POU2AF3: variants seen among roughly 807,000 people sequenced by gnomAD.
The protein encoded by POU2AF3 is POU class 2 homeobox associating factor 3.
the POU2AF3 span, chr11:111,298,714 G>A: frequency 9.0e-7 from 1 of 1,108,186 alleles, no homozygotes. Context: ...AGTAAGGGCC[G>A]GGGATCCGGA....
chr11:111,306,884 T>C, the POU2AF3 span, among the ~76,000 whole-genome samples: 1 of 152,154 alleles, frequency 6.6e-6, no homozygotes, highest in African/African-American at 2.4e-5. Flanking sequence ...TGGGTAGCAA[T>C]AAAAAGAGGT....
the POU2AF3 span, among the ~76,000 whole-genome samples, chr11:111,301,622 G>A: frequency 1.3e-5 from 2 of 152,200 alleles, no homozygotes; most frequent in Admixed American, 6.5e-5. Context: ...CAGATGGACT[G>A]GGCTCAGATC....
At chr11:111,301,428 G>A in the POU2AF3 span, among the ~76,000 whole-genome samples, 1 of 152,170 alleles carries the variant, frequency 6.6e-6, no homozygotes, top group African/African-American at 2.4e-5. Context: ...GACAGCTGGG[G>A]CTCATATTGC....
At chr11:111,298,824 A>AGGGGGGGGGGG in the POU2AF3 span, 48 of 903,112 alleles carry the variant, frequency 5.3e-5, no homozygotes, top group Non-Finnish European at 6.6e-5. Context: ...CGCGTACCCC[A>AGGGGGGGGGGG]GGCCCCCGCC....
At chr11:111,300,287 G>A in the POU2AF3 span, 27 of 325,050 alleles carry the variant, frequency 8.3e-5, no homozygotes, top group African/African-American at 4.5e-4. Context: ...GCCAGGGGTG[G>A]ATGGCCCCAC....
the POU2AF3 span, chr11:111,300,417 C>T: frequency 7.5e-6 from 3 of 397,662 alleles, no homozygotes; most frequent in Non-Finnish European, 1.3e-5. Context: ...GTGTGTTCTC[C>T]GAACTTAGAA....
the POU2AF3 span, chr11:111,308,419 T>C: frequency 1.2e-5 from 19 of 1,550,170 alleles, no homozygotes; most frequent in African/African-American, 2.7e-5. Flanking sequence ...AAACAAACTG[T>C]GACATCTGCT....
chr11:111,303,170 G>C, the POU2AF3 span, among the ~76,000 whole-genome samples: 28 of 152,344 alleles, frequency 1.8e-4, no homozygotes, highest in African/African-American at 6.0e-4. Flanking sequence ...GGAAGAAACT[G>C]TGTGTATGCC....
chr11:111,308,401 T>C, the POU2AF3 span: 10 of 1,551,204 alleles, frequency 6.4e-6, no homozygotes, highest in Non-Finnish European at 4.4e-6. Flanking sequence ...GTGATTTCTA[T>C]AAGAGGGAAA....
At chr11:111,306,428 G>A in the POU2AF3 span, 23 of 1,472,466 alleles carry the variant, frequency 1.6e-5, no homozygotes, top group Middle Eastern at 1.8e-4. Flanking sequence ...TTTCTTCCAC[G>A]CCCAATTATT....
At chr11:111,303,133 G>T in the POU2AF3 span, among the ~76,000 whole-genome samples, 1 of 152,322 alleles carries the variant, frequency 6.6e-6, no homozygotes, top group South Asian at 2.1e-4. Context: ...ATTCAGTAAA[G>T]AATTCAAATA....
the POU2AF3 span, among the ~76,000 whole-genome samples, chr11:111,305,984 C>T: frequency 2.6e-5 from 4 of 152,290 alleles, no homozygotes; most frequent in Admixed American, 1.3e-4. Context: ...AATTATTTCC[C>T]GTAGCATCAG....
At chr11:111,300,984 C>A in the POU2AF3 span, among the ~76,000 whole-genome samples, 107,660 of 152,100 alleles carry the variant, frequency 0.71, 38,312 homozygotes, top group South Asian at 0.83. Context: ...TAGAAAATCT[C>A]TCCCAGAAAT....
At chr11:111,304,834 G>C in the POU2AF3 span, 1 of 674,314 alleles carries the variant, frequency 1.5e-6, no homozygotes, top group South Asian at 7.5e-5. Flanking sequence ...TTACCTTATA[G>C]CAGAAAGAAA....
At chr11:111,306,447 G>A in the POU2AF3 span, 1 of 1,494,278 alleles carries the variant, frequency 6.7e-7, no homozygotes, top group East Asian at 2.5e-5. Context: ...TTTGCAACGG[G>A]GAGAATTTTC....
the POU2AF3 span, among the ~76,000 whole-genome samples, chr11:111,302,761 A>C: frequency 6.6e-6 from 1 of 152,188 alleles, no homozygotes; most frequent in Non-Finnish European, 1.5e-5. Flanking sequence ...AAGCAGGTTT[A>C]ACACGCATAT....
At chr11:111,306,045 C>T in the POU2AF3 span, among the ~76,000 whole-genome samples, 1 of 152,182 alleles carries the variant, frequency 6.6e-6, no homozygotes, top group Non-Finnish European at 1.5e-5. Flanking sequence ...GAGAGGTTTA[C>T]GTGAACTGCC....
the POU2AF3 span, chr11:111,306,646 A>G: frequency 2.0e-6 from 3 of 1,510,232 alleles, no homozygotes; most frequent in Non-Finnish European, 2.7e-6. Context: ...AGTTCTTTAT[A>G]TACCTGATTG....
chr11:111,304,995 A>G, the POU2AF3 span: 28 of 1,229,304 alleles, frequency 2.3e-5, no homozygotes, highest in Non-Finnish European at 2.8e-5. Flanking sequence ...CAGTACAGCC[A>G]GCATTAACAG....
Sources: allele counts gnomAD v4.1 joint callset (sites outside exome capture counted in the v4.1 genomes callset), GRCh38; gene constraint gnomAD v4.1.1; transcripts MANE v1.5; gene names NCBI Gene and HGNC (gene_info 2026-07-23, HGNC 2026-07-21).